ATP10B: variants seen among roughly 807,000 people sequenced by gnomAD.
ATP10B encodes ATPase phospholipid transporting 10B (putative).
Under a neutral mutation model 141.2 loss-of-function variants are expected in ATP10B, and 122 were observed. The ratio of observed to expected loss-of-function variants is 0.86; its 90% CI spans 0.75 to 1.00. The LOEUF (loss-of-function observed/expected upper bound fraction) is 1.00. Ranked by LOEUF, ATP10B falls within the 50% of genes least tolerant of loss-of-function variation. The pLI is 0.00. For synonymous variants in ATP10B, 685 were observed against 692.0 expected (o/e 0.99, Z 0.16); for missense variants, 1,876 against 1,825.3 (o/e 1.03, Z -0.51).
the ATP10B span, among the ~76,000 whole-genome samples, chr5:160,875,410 G>A: frequency 8.8e-5 from 10 of 113,302 alleles, no homozygotes; most frequent in South Asian, 3.0e-3. Context: ...GGAACAACCA[G>A]TACCAGCCAC....
At chr5:160,743,601 A>G (rs979023536) in intron 2 of ATP10B, among the ~76,000 whole-genome samples, 2 of 152,202 alleles carry the variant, frequency 1.3e-5, no homozygotes, top group African/African-American at 4.8e-5. Flanking sequence ...AGCAAGTGGA[A>G]TGACAACAAA....
At chr5:160,577,598 G>A (rs1332656140) in intron 24 of ATP10B, among the ~76,000 whole-genome samples, 3 of 152,148 alleles carry the variant, frequency 2.0e-5, no homozygotes, top group African/African-American at 2.4e-5. Flanking sequence ...ATAAGTAATC[G>A]TGGATTTTGC....
chr5:160,890,462 C>A, the ATP10B span, among the ~76,000 whole-genome samples: 1 of 152,202 alleles, frequency 6.6e-6, no homozygotes, highest in Non-Finnish European at 1.5e-5. Context: ...TTTGCCCAGT[C>A]CCTGGCAACC....
At chr5:160,616,197 A>G (rs774896516) in intron 16 of ATP10B, among the ~76,000 whole-genome samples, 8 of 152,246 alleles carry the variant, frequency 5.3e-5, no homozygotes, top group Non-Finnish European at 8.8e-5. Flanking sequence ...TGATCTGGAC[A>G]GACAAGGTCC....
intron 1 of ATP10B, among the ~76,000 whole-genome samples, chr5:160,824,917 G>C (rs540453928): frequency 1.3e-5 from 2 of 152,076 alleles, no homozygotes; most frequent in African/African-American, 4.8e-5. Flanking sequence ...TTCTCTCCCT[G>C]TTCCTGGTTT....
intron 13 of ATP10B, among the ~76,000 whole-genome samples, chr5:160,627,842 T>C (rs910560595): frequency 2.0e-5 from 3 of 152,244 alleles, no homozygotes; most frequent in East Asian, 1.9e-4. Context: ...GTATATGCCA[T>C]ACTTGTCTGT....
intron 7 of ATP10B, among the ~76,000 whole-genome samples, chr5:160,667,694 G>A (rs531110660): frequency 2.0e-5 from 3 of 152,134 alleles, no homozygotes; most frequent in Admixed American, 6.6e-5. Flanking sequence ...CTATAGCACC[G>A]GAGTGTGAAT....
At chr5:160,763,393 A>C (rs1272049387) in intron 2 of ATP10B, among the ~76,000 whole-genome samples, 1 of 152,174 alleles carries the variant, frequency 6.6e-6, no homozygotes, top group Non-Finnish European at 1.5e-5. Context: ...AAAATTGAAA[A>C]TTAACTCCAA....
At chr5:160,688,704 A>G (rs1302559567) in intron 4 of ATP10B, 56 bp downstream of exon 4, 7 of 917,130 alleles carry the variant, frequency 7.6e-6, no homozygotes, top group Non-Finnish European at 7.8e-6. Context: ...CCTATTCTTT[A>G]GGTTTTCTTT....
chr5:160,699,696 C>A (rs1338803659), intron 3 of ATP10B, among the ~76,000 whole-genome samples: 1 of 151,926 alleles, frequency 6.6e-6, no homozygotes, highest in African/African-American at 2.4e-5. Flanking sequence ...AAGGAATATA[C>A]TTTTAATCAG....
chr5:160,702,500 T>C (rs1764738060), intron 3 of ATP10B, among the ~76,000 whole-genome samples: 1 of 152,236 alleles, frequency 6.6e-6, no homozygotes, highest in East Asian at 1.9e-4. Flanking sequence ...ATGATGCAAT[T>C]TCACTTGGGA....
intron 2 of ATP10B, among the ~76,000 whole-genome samples, chr5:160,780,417 C>T (rs796337118): frequency 6.6e-6 from 1 of 152,076 alleles, no homozygotes; most frequent in East Asian, 1.9e-4. Context: ...GCATTTGTTT[C>T]AGAAATGCAG....
chr5:160,825,133 G>C (rs1774482048), intron 1 of ATP10B, among the ~76,000 whole-genome samples: 1 of 152,134 alleles, frequency 6.6e-6, no homozygotes, highest in African/African-American at 2.4e-5. Context: ...GCTGTGAGCT[G>C]TTTGAGGTCA....
intron 1 of ATP10B, among the ~76,000 whole-genome samples, chr5:160,818,694 A>G (rs34663457): frequency 0.34 from 52,092 of 152,072 alleles, 9,901 homozygotes; most frequent in East Asian, 0.45. Context: ...AAAGACACAT[A>G]CACAAATATG....
intron 1 of ATP10B, among the ~76,000 whole-genome samples, chr5:160,790,341 A>T (rs1037839049): frequency 1.3e-5 from 2 of 152,182 alleles, no homozygotes; most frequent in African/African-American, 4.8e-5. Flanking sequence ...AGTGTTGATT[A>T]GGCTATTTTA....
At chr5:160,728,704 G>C (rs1766531725) in intron 2 of ATP10B, among the ~76,000 whole-genome samples, 1 of 152,136 alleles carries the variant, frequency 6.6e-6, no homozygotes, top group African/African-American at 2.4e-5. Context: ...TTGGTCTTGG[G>C]GAACCCCAAG....
At chr5:160,871,342 TCA>T in the ATP10B span, among the ~76,000 whole-genome samples, 3 of 152,146 alleles carry the variant, frequency 2.0e-5, no homozygotes, top group African/African-American at 7.2e-5. Flanking sequence ...TATAATGTAC[TCA>T]CATTACCCTT....
At chr5:160,730,909 G>C (rs1051883467) in intron 2 of ATP10B, among the ~76,000 whole-genome samples, 5 of 152,184 alleles carry the variant, frequency 3.3e-5, no homozygotes, top group Admixed American at 3.3e-4. Context: ...AAAGGACCTT[G>C]AGCCTCTGCT....
the ATP10B span, among the ~76,000 whole-genome samples, chr5:160,921,274 GTT>G: frequency 1.2e-4 from 15 of 121,854 alleles, no homozygotes; most frequent in African/African-American, 3.7e-4. Flanking sequence ...TCAGCACTTT[GTT>G]TTTTTTTTTT....
Sources: allele counts gnomAD v4.1 joint callset (sites outside exome capture counted in the v4.1 genomes callset), GRCh38; gene constraint gnomAD v4.1.1; transcripts MANE v1.5; gene names NCBI Gene and HGNC (gene_info 2026-07-23, HGNC 2026-07-21).